Variants in PTPRS observed in about 807,000 individuals in gnomAD.
PTPRS encodes the protein receptor-type tyrosine-protein phosphatase S.
Under a neutral mutation model 215.3 loss-of-function variants are expected in PTPRS, and 63 were observed. That is an observed-to-expected ratio of 0.29 (90% CI 0.24 to 0.36). PTPRS has a LOEUF of 0.36. Among genes scored for constraint, PTPRS ranks in the 10% least tolerant of loss-of-function variants. The pLI is 1.00. For synonymous variants in PTPRS, 1,404 were observed against 1,191.4 expected (o/e 1.18, Z -3.68); for missense variants, 2,258 against 2,825.8 (o/e 0.80, Z 4.56).
At chr19:5,272,899 T>G (rs202202784) in intron 4 of PTPRS, among the ~76,000 whole-genome samples, 2 of 152,138 alleles carry the variant, frequency 1.3e-5, no homozygotes, top group East Asian at 3.9e-4. Context: ...CACTCTTGGC[T>G]CCAGGTAGGA....
intron 2 of PTPRS, among the ~76,000 whole-genome samples, chr19:5,283,390 A>C (rs1228654461): frequency 6.6e-6 from 1 of 152,188 alleles, no homozygotes. Flanking sequence ...CAGCCTGGCC[A>C]ATGTGGTGAA....
intron 1 of PTPRS, among the ~76,000 whole-genome samples, chr19:5,289,766 G>A (rs897295983): frequency 6.6e-6 from 1 of 152,234 alleles, no homozygotes; most frequent in Non-Finnish European, 1.5e-5. Context: ...ACTACAAACA[G>A]CATGAGGAAG....
At chr19:5,225,455 G>A (rs1039118760) in intron 17 of PTPRS, among the ~76,000 whole-genome samples, 1 of 152,036 alleles carries the variant, frequency 6.6e-6, no homozygotes, top group Admixed American at 6.5e-5. Context: ...AAGGTTGAGA[G>A]GGCAAAGGGG....
intron 2 of PTPRS, among the ~76,000 whole-genome samples, chr19:5,279,844 G>GAAGTTATTTTAAAACATAAAATT (rs2047700116): frequency 6.6e-6 from 1 of 151,980 alleles, no homozygotes; most frequent in Admixed American, 6.6e-5. Flanking sequence ...CACCATGCCT[G>GAAGTTATTTTAAAACATAAAATT]GCTAATTTTT....
chr19:5,282,384 A>G (rs2047930481), intron 2 of PTPRS, among the ~76,000 whole-genome samples: 1 of 152,054 alleles, frequency 6.6e-6, no homozygotes, highest in African/African-American at 2.4e-5. Flanking sequence ...TTCTCAGCAA[A>G]GGGGCAGAGA....
chr19:5,240,183 C>T lies in PTPRS; in HGVS notation c.1704+16G>A, dbSNP rs1026042898. The T allele has an allele frequency of 3.0e-6, 4 of 1,325,890 alleles. No homozygotes were observed. The highest frequency in any genetic ancestry group is 3.1e-6 in the Non-Finnish European group (3 of 971,392). The allele number at this position is 1,325,890 out of a possible 1,614,324, so 82.1% of individuals were successfully genotyped here. A position where few individuals can be genotyped will look rare whatever the true frequency, so the allele number is the denominator to read the frequency against. On this transcript the variant is annotated intron_variant, in intron 12 of 37. Transcript: ENST00000262963. Reference sequence around the variant, plus strand: ...AGGAGCCCAGGGCAGGCCAGCCCGTCCCCGCGCTGCCTCACCTCCCGGCCA... The same window carrying T: ...AGGAGCCCAGGGCAGGCCAGCCCGTTCCCGCGCTGCCTCACCTCCCGGCCA...
intron 1 of PTPRS, among the ~76,000 whole-genome samples, chr19:5,315,350 GGTTTTTTTT>G (rs1225087127): frequency 0.018 from 1,867 of 101,194 alleles, 180 homozygotes; most frequent in South Asian, 0.1. Context: ...ATTTGAAAAG[GGTTTTTTTT>G]TTTTTTTTTT....
Position 5,206,303 on chromosome 19 carries a change from G to A in PTPRS, c.*471C>T, listed in dbSNP as rs866011927. On this transcript the variant is annotated 3_prime_UTR_variant, in exon 38 of 38. Transcript: ENST00000262963. ...CTATTTAAAAAAAATGAAATGTCAC[G>A]GGATACAGTTACACTGAGAGTTTTA... The A allele has an allele frequency of 1.0e-4, 23 of 229,238 alleles. No homozygotes were observed. In the East Asian group the frequency reaches 1.3e-3, roughly 13 times the overall value. The allele number at this position is 229,238 out of a possible 1,614,324, so 14.2% of individuals were successfully genotyped here.
intron 1 of PTPRS, among the ~76,000 whole-genome samples, chr19:5,334,492 G>A (rs1393798609): frequency 2.6e-5 from 4 of 152,204 alleles, no homozygotes; most frequent in Non-Finnish European, 5.9e-5. Context: ...AGCACAGAGA[G>A]GTTGAGCAAC....
At chr19:5,238,125 A>G (rs1312889110) in intron 13 of PTPRS, among the ~76,000 whole-genome samples, 1 of 152,150 alleles carries the variant, frequency 6.6e-6, no homozygotes, top group African/African-American at 2.4e-5. Context: ...CACACCAGGG[A>G]AGGCCACGCT....
intron 11 of PTPRS, 54 bp downstream of exon 11, chr19:5,243,847 A>G: frequency 7.2e-7 from 1 of 1,391,558 alleles, no homozygotes; most frequent in Non-Finnish European, 9.4e-7. Flanking sequence ...GGGAGCATGC[A>G]AAGAACCAAG....
intron 1 of PTPRS, among the ~76,000 whole-genome samples, chr19:5,323,619 C>T (rs115042103): frequency 0.011 from 1,602 of 152,346 alleles, 29 homozygotes; most frequent in African/African-American, 0.036. Context: ...ATTGGAGGAA[C>T]AGCGAGGAGG....
chr19:5,224,955 T>C (rs2042343347), intron 17 of PTPRS, among the ~76,000 whole-genome samples: 1 of 151,800 alleles, frequency 6.6e-6, no homozygotes, highest in Non-Finnish European at 1.5e-5. Context: ...CAGAAGTCAG[T>C]CGATTGTTCC....
At chr19:5,307,516 G>C (rs979166324) in intron 1 of PTPRS, among the ~76,000 whole-genome samples, 5 of 151,752 alleles carry the variant, frequency 3.3e-5, no homozygotes, top group East Asian at 1.9e-4. Flanking sequence ...ATTTTTAAGT[G>C]GGGGGGAAGA....
chr19:5,265,939 T>A (rs868610296), intron 4 of PTPRS, among the ~76,000 whole-genome samples: 1 of 152,130 alleles, frequency 6.6e-6, no homozygotes, highest in Non-Finnish European at 1.5e-5. Context: ...TTTTATCTTT[T>A]AAAAAATTTT....
intron 4 of PTPRS, among the ~76,000 whole-genome samples, chr19:5,266,537 T>C (rs2046413100): frequency 6.6e-6 from 1 of 152,050 alleles, no homozygotes; most frequent in Non-Finnish European, 1.5e-5. Context: ...CGGCTAATTT[T>C]TGTACTTTTA....
chr19:5,233,444 A>G (rs2043179151), intron 13 of PTPRS, among the ~76,000 whole-genome samples: 1 of 151,456 alleles, frequency 6.6e-6, no homozygotes, highest in Admixed American at 6.6e-5. Flanking sequence ...TGTGCCAGGC[A>G]CTGTGCCAAG....
chr19:5,266,181 C>T (rs1318179241), intron 4 of PTPRS, among the ~76,000 whole-genome samples: 1 of 152,018 alleles, frequency 6.6e-6, no homozygotes, highest in Non-Finnish European at 1.5e-5. Flanking sequence ...ATCACTTGAA[C>T]CCGGGAGACG....
chr19:5,338,241 C>T lies in PTPRS; in HGVS notation c.-95+2423G>A, dbSNP rs981900748. Among the ~76,000 whole-genome samples, 2 of 152,186 alleles carry T rather than the reference C, an allele frequency of 1.3e-5. No individual in the cohort carries two copies. Among genetic ancestry groups the T allele is most frequent in the African/African-American group, 2.4e-5 (1 of 41,454 alleles). On this transcript the variant is annotated intron_variant, in intron 1 of 37. Transcript: ENST00000262963. The surrounding 1 kb of genome is among the most constrained non-coding windows in gnomAD (Gnocchi z 4.2). Reference sequence around the variant, plus strand: ...CCAGGGTGGCAGAAATAGAAAAGTGCGTGAGCTCACCAGGCAGCCTGGGTC... The same window carrying T: ...CCAGGGTGGCAGAAATAGAAAAGTGTGTGAGCTCACCAGGCAGCCTGGGTC...
Sources: allele counts gnomAD v4.1 joint callset (sites outside exome capture counted in the v4.1 genomes callset), GRCh38; gene constraint gnomAD v4.1.1; non-coding constraint Gnocchi (gnomAD v3.1); transcripts MANE v1.5; gene names NCBI Gene and HGNC (gene_info 2026-07-23, HGNC 2026-07-21).